Variants in PRIM2 observed in about 807,000 individuals in gnomAD.
The protein encoded by PRIM2 is DNA primase subunit 2.
PRIM2 carries 39 observed loss-of-function variants against 67.3 expected under a neutral mutation model. The observed-to-expected ratio is 0.58, with a 90% CI of 0.45 to 0.76. The LOEUF (loss-of-function observed/expected upper bound fraction) is 0.76. Among genes scored for constraint, PRIM2 ranks in the 30% least tolerant of loss-of-function variants. The pLI is 0.00. For missense variants in PRIM2, 398 were observed against 598.7 expected (o/e 0.66, Z 3.50); for synonymous variants, 143 against 198.7 (o/e 0.72, Z 2.36).
chr6:57,563,958 C>T (rs1189138319), intron 10 of PRIM2, among the ~76,000 whole-genome samples: 5 of 152,246 alleles, frequency 3.3e-5, no homozygotes, highest in South Asian at 2.1e-4. Context: ...TGCGTACAGC[C>T]GGCCTTAGCT....
At chr6:57,271,923 C>T in the PRIM2 span, among the ~76,000 whole-genome samples, 10 of 152,238 alleles carry the variant, frequency 6.6e-5, no homozygotes, top group South Asian at 2.1e-4. Context: ...TCAGTTTCCA[C>T]GTAGTTGAGC....
intron 7 of PRIM2, among the ~76,000 whole-genome samples, chr6:57,431,142 T>C (rs1771816110): frequency 6.6e-6 from 1 of 152,144 alleles, no homozygotes; most frequent in African/African-American, 2.4e-5. Context: ...GGGTTTGACA[T>C]TTCTTCTCAT....
intron 7 of PRIM2, among the ~76,000 whole-genome samples, chr6:57,507,122 C>A (rs1379477453): frequency 6.6e-6 from 1 of 151,894 alleles, no homozygotes; most frequent in Non-Finnish European, 1.5e-5. Flanking sequence ...TCAGGACACT[C>A]CCTTTTACTC....
At chr6:57,568,561 A>C (rs1222225820) in intron 10 of PRIM2, among the ~76,000 whole-genome samples, 19 of 152,252 alleles carry the variant, frequency 1.2e-4, no homozygotes, top group Non-Finnish European at 2.1e-4. Flanking sequence ...ACCATTGTAG[A>C]ACATTATGAT....
chr6:57,288,985 G>A, the PRIM2 span, among the ~76,000 whole-genome samples: 71 of 152,072 alleles, frequency 4.7e-4, no homozygotes, highest in African/African-American at 1.7e-3. Flanking sequence ...GCTTCAGAAG[G>A]TCGGTAATAA....
In PRIM2 at chr6:57,563,511, G is replaced by C. The variant is rs1410055866; in HGVS notation, c.1020+25886G>C. 2.6e-5 allele frequency among the ~76,000 whole-genome samples: 4 copies of C among 152,146 alleles called. No individual in the cohort carries two copies. The East Asian group carries it at 5.8e-4, about 22-fold the overall frequency. On this transcript the variant is annotated intron_variant, in intron 10 of 13. Coordinates refer to ENST00000615550, the MANE Select transcript of PRIM2 (RefSeq NM_000947.5). ...TCTGAAATTTGGGGCATAAGGTTAC[G>C]TACTGATATTGTGGTAGCAGTGATG...
At chr6:57,463,064 T>C (rs1331923773) in intron 7 of PRIM2, among the ~76,000 whole-genome samples, 1 of 152,306 alleles carries the variant, frequency 6.6e-6, no homozygotes, top group East Asian at 1.9e-4. Flanking sequence ...CAGTTTTGGC[T>C]TTTGGGCAGA....
intron 7 of PRIM2, among the ~76,000 whole-genome samples, chr6:57,499,904 CT>C (rs1333900298): frequency 6.6e-6 from 1 of 152,204 alleles, no homozygotes; most frequent in African/African-American, 2.4e-5. Context: ...TACTTATTTG[CT>C]GATAACACTT....
In PRIM2 at chr6:57,542,939, A is replaced by ATTT. The variant is rs1193756482; in HGVS notation, c.1020+5331_1020+5333dup. On this transcript the variant is annotated intron_variant, in intron 10 of 13. Coordinates refer to ENST00000615550, the MANE Select transcript of PRIM2 (RefSeq NM_000947.5). Reference sequence around the variant, plus strand: ...GTTGGCTTAAAATACTGCTTATAGGATTTTTTTTTTTTTTTTTTTGAGACG... The same window carrying ATTT: ...GTTGGCTTAAAATACTGCTTATAGGATTTTTTTTTTTTTTTTTTTTTTGAGACG... Among the ~76,000 whole-genome samples the ATTT allele has an allele frequency of 5.2e-3, 376 of 71,894 alleles. 65 individuals are homozygous for ATTT. Among genetic ancestry groups the ATTT allele is most frequent in the African/African-American group, 0.017 (256 of 14,768 alleles). The allele number at this position is 71,894 out of a possible 152,430, so 47.2% of individuals were successfully genotyped here.
intron 8 of PRIM2, among the ~76,000 whole-genome samples, chr6:57,516,021 C>T (rs1774480857): frequency 1.3e-5 from 2 of 151,484 alleles, no homozygotes; most frequent in African/African-American, 4.9e-5. Context: ...TCATGCTTTC[C>T]ATGATTTCCT....
At chr6:57,571,183 C>T (rs1234673999) in intron 10 of PRIM2, among the ~76,000 whole-genome samples, 12 of 152,144 alleles carry the variant, frequency 7.9e-5, no homozygotes, top group Non-Finnish European at 1.3e-4. Flanking sequence ...TTTGCATAAA[C>T]TTACAATTTT....
At chr6:57,538,127 A>G (rs1253048018) in intron 10 of PRIM2, among the ~76,000 whole-genome samples, 1 of 151,476 alleles carries the variant, frequency 6.6e-6, no homozygotes, top group Non-Finnish European at 1.5e-5. Context: ...TGATCCTCCC[A>G]CTTCATTCTT....
At chr6:57,615,558 C>T (rs1202221239) in intron 12 of PRIM2, among the ~76,000 whole-genome samples, 21 of 151,844 alleles carry the variant, frequency 1.4e-4, no homozygotes, top group Admixed American at 1.2e-3. Flanking sequence ...TCAAATTGTA[C>T]TTTGTTTCAT....
upstream of PRIM2, among the ~76,000 whole-genome samples, chr6:57,314,511 G>A (rs544117584): frequency 3.3e-5 from 5 of 152,312 alleles, no homozygotes; most frequent in Admixed American, 1.3e-4. Flanking sequence ...GCGAGACTTC[G>A]TCTCAAAAAA....
At chr6:57,246,601 A>C in the PRIM2 span, among the ~76,000 whole-genome samples, 1 of 152,182 alleles carries the variant, frequency 6.6e-6, no homozygotes, top group East Asian at 1.9e-4. Flanking sequence ...ACTATAACTT[A>C]CTAAGCCTGT....
At chr6:57,636,152 C>T (rs1182948254) in intron 13 of PRIM2, among the ~76,000 whole-genome samples, 1 of 152,022 alleles carries the variant, frequency 6.6e-6, no homozygotes, top group Non-Finnish European at 1.5e-5. Context: ...TTTAAATCAT[C>T]AACCACAAAG....
intron 5 of PRIM2, among the ~76,000 whole-genome samples, chr6:57,339,891 A>G (rs1329941650): frequency 1.3e-5 from 2 of 151,000 alleles, no homozygotes; most frequent in East Asian, 3.9e-4. Flanking sequence ...CTGCACAGCA[A>G]AAGAAACTAC....
chr6:57,456,001 C>G (rs1448122617), intron 7 of PRIM2, among the ~76,000 whole-genome samples: 1 of 152,092 alleles, frequency 6.6e-6, no homozygotes, highest in African/African-American at 2.4e-5. Context: ...AATCTCTCAG[C>G]ATTTGCTTGT....
chr6:57,459,554 A>G (rs1242755363), intron 7 of PRIM2, among the ~76,000 whole-genome samples: 1 of 152,164 alleles, frequency 6.6e-6, no homozygotes, highest in Non-Finnish European at 1.5e-5. Context: ...CCACACTACA[A>G]CATACCTGGC....
Sources: gnomAD v4.1 joint callset for allele counts (sites outside exome capture counted in the v4.1 genomes callset) on GRCh38, gnomAD v4.1.1 for gene constraint, MANE v1.5 for transcripts, NCBI Gene and HGNC (gene_info 2026-07-23, HGNC 2026-07-21) for gene names.